The following FLI1 variants were observed in gnomAD, a reference collection of about 807,000 sequenced individuals.
FLI1 encodes the protein Friend leukemia integration 1 transcription factor.
A neutral mutation model predicts 53.1 loss-of-function variants in FLI1; 13 were observed. That is an observed-to-expected ratio of 0.24 (90% confidence interval 0.16 to 0.39). The LOEUF (loss-of-function observed/expected upper bound fraction) is 0.39. Among genes scored for constraint, FLI1 ranks in the 10% least tolerant of loss-of-function variants. FLI1 has a pLI of 1.00. For synonymous variants in FLI1, 244 were observed against 236.7 expected (o/e 1.03, Z -0.28); for missense variants, 424 against 600.5 (o/e 0.71, Z 3.07).
intron 5 of FLI1, among the ~76,000 whole-genome samples, chr11:128,793,156 C>T (rs1004879183): frequency 4.0e-5 from 6 of 151,792 alleles, no homozygotes; most frequent in African/African-American, 1.5e-4. Flanking sequence ...TGGATAAATT[C>T]AATAAATTTA....
At chr11:128,764,618 CT>C in intron 2 of FLI1, 1 of 1,527,644 alleles carries the variant, frequency 6.5e-7, no homozygotes, top group Non-Finnish European at 8.8e-7. Flanking sequence ...CGCACTCCCC[CT>C]CCCTCTTGTT....
chr11:128,783,177 G>A (rs1428733871), intron 5 of FLI1, among the ~76,000 whole-genome samples: 2 of 152,120 alleles, frequency 1.3e-5, no homozygotes, highest in Non-Finnish European at 2.9e-5. Flanking sequence ...GTTACATATA[G>A]CACAGCACTG....
chr11:128,809,288 A>G (rs1184994059), intron 8 of FLI1, 84 bp downstream of exon 8: 3 of 1,155,410 alleles, frequency 2.6e-6, no homozygotes, highest in Non-Finnish European at 3.9e-6. Flanking sequence ...TCCTAAGTCC[A>G]GACACCTGAG....
chr11:128,777,925 C>A (rs4937374), intron 4 of FLI1, among the ~76,000 whole-genome samples: 22,424 of 152,210 alleles, frequency 0.15, 2,041 homozygotes, highest in Non-Finnish European at 0.2. Flanking sequence ...TGGGGTTCTA[C>A]CCCACACCTG....
At chr11:128,722,199 C>T (rs1472369123) in intron 1 of FLI1, among the ~76,000 whole-genome samples, 3 of 152,168 alleles carry the variant, frequency 2.0e-5, no homozygotes, top group African/African-American at 4.8e-5. Flanking sequence ...ATTTGACACA[C>T]GACTATATGA....
At chr11:128,784,220 TCTC>T (rs61050928) in intron 5 of FLI1, among the ~76,000 whole-genome samples, 6,472 of 117,196 alleles carry the variant, frequency 0.055, 315 homozygotes, top group Non-Finnish European at 0.073. Context: ...TTGCTAACCA[TCTC>T]CTCCTCCTCC....
chr11:128,764,987 C>G (rs193056288), intron 2 of FLI1, among the ~76,000 whole-genome samples: 1 of 150,486 alleles, frequency 6.6e-6, no homozygotes, highest in East Asian at 2.0e-4. Flanking sequence ...GGAGAAACAC[C>G]CTGGCGGGCG....
chr11:128,787,826 A>G (rs1942138611), intron 5 of FLI1, among the ~76,000 whole-genome samples: 2 of 68,130 alleles, frequency 2.9e-5, no homozygotes, highest in African/African-American at 1.3e-4. Context: ...TTTTTTTTTG[A>G]GATGGAGTCT....
At chr11:128,750,380 C>T (rs1940591134) in intron 1 of FLI1, among the ~76,000 whole-genome samples, 1 of 152,182 alleles carries the variant, frequency 6.6e-6, no homozygotes, top group Non-Finnish European at 1.5e-5. Flanking sequence ...TTGGGTCATT[C>T]TGTGTTAGAA....
chr11:128,746,268 T>G (rs960903388), intron 1 of FLI1, among the ~76,000 whole-genome samples: 1 of 152,198 alleles, frequency 6.6e-6, no homozygotes, highest in Non-Finnish European at 1.5e-5. Flanking sequence ...GATGAGGTTC[T>G]TCTCTTCAGG....
chr11:128,727,697 C>A (rs914289958), intron 1 of FLI1, among the ~76,000 whole-genome samples: 1 of 152,174 alleles, frequency 6.6e-6, no homozygotes, highest in East Asian at 1.9e-4. Context: ...GTGTAATTTG[C>A]ACTTATTTCA....
intron 1 of FLI1, among the ~76,000 whole-genome samples, chr11:128,708,174 G>A (rs538884556): frequency 6.6e-6 from 1 of 152,306 alleles, no homozygotes; most frequent in African/African-American, 2.4e-5. Flanking sequence ...GAAGCTTTCA[G>A]CTCAGAGCTA....
chr11:128,795,871 ATGGTGTCAT>A (rs1272686176), intron 5 of FLI1, among the ~76,000 whole-genome samples: 2 of 152,194 alleles, frequency 1.3e-5, no homozygotes, highest in Non-Finnish European at 2.9e-5. Context: ...TTTCATATGC[ATGGTGTCAT>A]TTATTCTCAA....
At chr11:128,758,512 C>T (rs1940985919) in intron 2 of FLI1, among the ~76,000 whole-genome samples, 186 bp downstream of exon 2, 1 of 152,134 alleles carries the variant, frequency 6.6e-6, no homozygotes, top group Admixed American at 6.5e-5. Flanking sequence ...TGGAGTAGGG[C>T]TAGGAAGCCC....
At chr11:128,791,661 T>C (rs1195984112) in intron 5 of FLI1, among the ~76,000 whole-genome samples, 2 of 152,268 alleles carry the variant, frequency 1.3e-5, no homozygotes, top group African/African-American at 2.4e-5. Flanking sequence ...GTTTTGGCTC[T>C]ATCCACTGCA....
chr11:128,710,869 A>G (rs1043585051), intron 1 of FLI1, among the ~76,000 whole-genome samples: 1 of 152,260 alleles, frequency 6.6e-6, no homozygotes, highest in African/African-American at 2.4e-5. Flanking sequence ...CATGTGTAGG[A>G]AACTCTGTAA....
At chr11:128,751,871 T>G (rs1383252014) in intron 1 of FLI1, among the ~76,000 whole-genome samples, 1 of 147,526 alleles carries the variant, frequency 6.8e-6, no homozygotes, top group Non-Finnish European at 1.5e-5. Context: ...CCACGTTACC[T>G]AGGCTGGTCT....
intron 1 of FLI1, among the ~76,000 whole-genome samples, chr11:128,706,010 T>C (rs2135710434): frequency 6.6e-6 from 1 of 152,246 alleles, no homozygotes; most frequent in African/African-American, 2.4e-5. Flanking sequence ...TTGATTTTAT[T>C]CAAAGTAGGA....
intron 1 of FLI1, among the ~76,000 whole-genome samples, chr11:128,729,710 A>G (rs574404551): frequency 6.6e-6 from 1 of 152,196 alleles, no homozygotes; most frequent in Non-Finnish European, 1.5e-5. Flanking sequence ...GATGGCAACC[A>G]GATCATTCAC....
Sources: allele counts gnomAD v4.1 joint callset (sites outside exome capture counted in the v4.1 genomes callset), GRCh38; gene constraint gnomAD v4.1.1; transcripts MANE v1.5; gene names NCBI Gene and HGNC (gene_info 2026-07-23, HGNC 2026-07-21).